Variants in NTRK3 observed in about 807,000 individuals in gnomAD.
NTRK3 encodes neurotrophic receptor tyrosine kinase 3, also known as NT-3 growth factor receptor.
In NTRK3, 24 loss-of-function variants were observed where a neutral mutation model predicts 91.7. The observed-to-expected ratio is 0.26, with a 90% confidence interval of 0.19 to 0.37. The LOEUF (loss-of-function observed/expected upper bound fraction) is 0.37. Among genes scored for constraint, NTRK3 ranks in the 10% least tolerant of loss-of-function variants. The pLI, the probability that NTRK3 is intolerant of heterozygous loss-of-function variation, is 1.00. For missense variants in NTRK3, 880 were observed against 1,068.9 expected (o/e 0.82, Z 2.46); for synonymous variants, 483 against 404.0 (o/e 1.20, Z -2.34).
exon 19 of NTRK3, chr15:87,871,395 G>T (rs756578556): frequency 2.3e-4 from 53 of 230,880 alleles, no homozygotes; most frequent in South Asian, 7.3e-4. Flanking sequence ...CACCTACTAT[G>T]GTCAGCAGTG....
At chr15:88,075,308 G>A (rs986242898) in intron 13 of NTRK3, among the ~76,000 whole-genome samples, 4 of 152,190 alleles carry the variant, frequency 2.6e-5, no homozygotes, top group African/African-American at 7.2e-5. Flanking sequence ...CTGTCTAGCC[G>A]GGAACTCAGC....
chr15:87,944,333 G>C (rs2070205060), intron 14 of NTRK3, among the ~76,000 whole-genome samples: 1 of 152,172 alleles, frequency 6.6e-6, no homozygotes. Context: ...CATATGAGCA[G>C]CTTCTTTCAC....
At chr15:87,886,699 T>TATATATATATATATATATATATATATAC (rs1265075771) in intron 17 of NTRK3, among the ~76,000 whole-genome samples, 13 of 138,480 alleles carry the variant, frequency 9.4e-5, no homozygotes, top group East Asian at 4.2e-4. Flanking sequence ...TATATATATA[T>TATATATATATATATATATATATATATAC]ACATATATAC....
At chr15:88,249,559 G>C (rs769549782) in intron 3 of NTRK3, among the ~76,000 whole-genome samples, 3 of 152,148 alleles carry the variant, frequency 2.0e-5, no homozygotes, top group Admixed American at 1.3e-4. Context: ...GACCCTCATG[G>C]GTGACATGAG....
chr15:88,176,478 T>C (rs1168613088), intron 5 of NTRK3, among the ~76,000 whole-genome samples: 1 of 152,128 alleles, frequency 6.6e-6, no homozygotes, highest in African/African-American at 2.4e-5. Flanking sequence ...GTTTCTACCA[T>C]ACATAGAAGT....
Position 88,198,541 on chromosome 15 carries a change from T to C in NTRK3, c.249-14242A>G, listed in dbSNP as rs77356918. Among the ~76,000 whole-genome samples the C allele has an allele frequency of 2.5e-3, 386 of 152,356 alleles. 6 individuals are homozygous for C. The highest frequency in any genetic ancestry group is 0.023 in the East Asian group (117 of 5,190). On this transcript the variant is annotated intron_variant, in intron 3 of 18. Coordinates refer to ENST00000394480, the Ensembl canonical transcript of NTRK3. ...CCCTCTAATTCCTGAGAAATTTTTCTAGGTGGCTGCTGATGTATGTATGTA... is the reference window on the plus strand; with the variant it reads ...CCCTCTAATTCCTGAGAAATTTTTCCAGGTGGCTGCTGATGTATGTATGTA...
chr15:88,065,862 T>G (rs1019386306), intron 13 of NTRK3, among the ~76,000 whole-genome samples: 1 of 152,180 alleles, frequency 6.6e-6, no homozygotes, highest in Non-Finnish European at 1.5e-5. Flanking sequence ...CCTTGTCTGA[T>G]CCTCTTCATG....
At chr15:88,126,204 T>C (rs2053267411) in intron 13 of NTRK3, 67 bp downstream of exon 13, 1 of 1,191,248 alleles carries the variant, frequency 8.4e-7, no homozygotes, top group African/African-American at 1.5e-5. Context: ...ATTAAAACAG[T>C]ATCTTTTGAT....
intron 13 of NTRK3, among the ~76,000 whole-genome samples, chr15:88,075,119 T>C (rs1446882399): frequency 1.3e-5 from 2 of 152,184 alleles, no homozygotes; most frequent in Non-Finnish European, 2.9e-5. Flanking sequence ...TGTTGGAACC[T>C]ACATGTAAAC....
chr15:88,074,071 C>G (rs936523063), intron 13 of NTRK3, among the ~76,000 whole-genome samples: 3 of 152,132 alleles, frequency 2.0e-5, no homozygotes, highest in Non-Finnish European at 4.4e-5. Context: ...GCTACCAGCC[C>G]CTGATGAACA....
chr15:88,126,294 C>T (rs1361454724), exon 13 of NTRK3: 4 of 1,613,684 alleles, frequency 2.5e-6, no homozygotes, highest in East Asian at 2.2e-5. Context: ...TTTGGACCGT[C>T]GACCATATTT....
At chr15:88,121,453 C>T (rs1193587990) in intron 13 of NTRK3, among the ~76,000 whole-genome samples, 1 of 152,174 alleles carries the variant, frequency 6.6e-6, no homozygotes, top group Non-Finnish European at 1.5e-5. Flanking sequence ...TACAGGAGAG[C>T]CCAGCCAGAT....
At chr15:88,224,046 G>A (rs187332178) in intron 3 of NTRK3, among the ~76,000 whole-genome samples, 17 of 152,324 alleles carry the variant, frequency 1.1e-4, no homozygotes, top group South Asian at 1.0e-3. Context: ...GCCCGGGGCC[G>A]GAGACCTATT....
chr15:88,183,022 G>GC (rs1567601237), intron 5 of NTRK3, among the ~76,000 whole-genome samples: 1 of 87,746 alleles, frequency 1.1e-5, no homozygotes, highest in African/African-American at 4.1e-5. Context: ...ACCCCCCCCC[G>GC]CCCCCCGCCA....
chr15:88,179,479 A>G (rs2046276592), intron 5 of NTRK3, among the ~76,000 whole-genome samples: 1 of 152,328 alleles, frequency 6.6e-6, no homozygotes, highest in South Asian at 2.1e-4. Context: ...CAATGAGATA[A>G]TGTATGGAAA....
chr15:88,115,238 G>T (rs2051908942), intron 13 of NTRK3, among the ~76,000 whole-genome samples: 2 of 152,238 alleles, frequency 1.3e-5, no homozygotes, highest in African/African-American at 4.8e-5. Flanking sequence ...AAGGCAGCAA[G>T]CAGCACACAC....
At chr15:87,890,570 TACACACACACACACAC>T (rs58806302) in intron 17 of NTRK3, among the ~76,000 whole-genome samples, 2 of 147,830 alleles carry the variant, frequency 1.4e-5, no homozygotes, top group South Asian at 4.3e-4. Context: ...GCTTGTTCTT[TACACACACACACACAC>T]ACACACACAC....
chr15:87,883,382 T>C (rs1453010665), intron 17 of NTRK3, among the ~76,000 whole-genome samples: 1 of 148,232 alleles, frequency 6.7e-6, no homozygotes, highest in East Asian at 1.9e-4. Flanking sequence ...ATAGAAATAA[T>C]ACATATATAT....
At chr15:88,174,722 G>A (rs985191356) in intron 5 of NTRK3, among the ~76,000 whole-genome samples, 12 of 152,306 alleles carry the variant, frequency 7.9e-5, no homozygotes, top group African/African-American at 2.9e-4. Context: ...GCCAACCCAA[G>A]CCCACTCTCC....
Sources: allele counts gnomAD v4.1 joint callset (sites outside exome capture counted in the v4.1 genomes callset), GRCh38; gene constraint gnomAD v4.1.1; transcripts MANE v1.5; gene names NCBI Gene and HGNC (gene_info 2026-07-23, HGNC 2026-07-21).